Variants in ASH2L observed in about 807,000 individuals in gnomAD.
The protein encoded by ASH2L is set1/Ash2 histone methyltransferase complex subunit ASH2.
ASH2L carries 30 observed loss-of-function variants against 81.1 expected under a neutral mutation model. The observed-to-expected ratio is 0.37, with a 90% CI of 0.28 to 0.50. The LOEUF (loss-of-function observed/expected upper bound fraction) is 0.50, where lower values mean the gene tolerates loss of function less well. Among genes scored for constraint, ASH2L ranks in the 20% least tolerant of loss-of-function variants. The pLI is 0.95. For synonymous variants in ASH2L, 273 were observed against 279.9 expected, an observed-to-expected ratio of 0.98 and a Z score of 0.24; for missense variants, 559 against 792.1, an observed-to-expected ratio of 0.71 and a Z score of 3.53.
rs200887379 is a variant in ASH2L, at chr8:38,106,333, G to A, written c.189-45G>A. 1.5e-4 allele frequency: 236 copies of A among 1,580,014 alleles called. 1 individual carries two copies. The Middle Eastern group carries it at 4.8e-3, about 32-fold the overall frequency. On this transcript the variant is annotated intron_variant, in intron 1 of 15. Coordinates refer to ENST00000343823, the MANE Select transcript of ASH2L (RefSeq NM_004674.5). ...CATTTTTGGGAATAGGCATTTTGAGGTTTGTCTTGAGAATTCTTACTTGAG... is the reference window on the plus strand; with the variant it reads ...CATTTTTGGGAATAGGCATTTTGAGATTTGTCTTGAGAATTCTTACTTGAG...
intron 12 of ASH2L, among the ~76,000 whole-genome samples, chr8:38,131,517 A>G (rs377341030): frequency 2.0e-5 from 3 of 152,176 alleles, no homozygotes; most frequent in African/African-American, 4.8e-5. Flanking sequence ...GTGATGGCAC[A>G]CTCCTGTAAT....
chr8:38,128,241 C>T, intron 10 of ASH2L, 50 bp from the exon 11 acceptor site: 1 of 1,607,280 alleles, frequency 6.2e-7, no homozygotes, highest in Non-Finnish European at 8.5e-7. Flanking sequence ...CAATTGTCCC[C>T]AAGAACCTCA....
intron 7 of ASH2L, 45 bp downstream of exon 7, chr8:38,115,045 C>T (rs374558549): frequency 5.6e-6 from 7 of 1,241,066 alleles, no homozygotes; most frequent in East Asian, 2.3e-5. Context: ...TTAAGCCACT[C>T]GGGGATAGGT....
chr8:38,133,557 G>T lies in ASH2L; in HGVS notation c.1620+11G>T. 3 of 1,583,524 alleles carry T rather than the reference G, an allele frequency of 1.9e-6. No individual in the cohort carries two copies. The highest frequency in any genetic ancestry group is 1.7e-6 in the Non-Finnish European group (2 of 1,163,362). On this transcript the variant is annotated intron_variant, in intron 13 of 15. Transcript: ENST00000343823. Reference sequence around the variant, plus strand: ...ACTCCCCATAGTGAGGTGAGTCATGGCCATAAGAACATTAGAATCATAAGG... The same window carrying T: ...ACTCCCCATAGTGAGGTGAGTCATGTCCATAAGAACATTAGAATCATAAGG...
At chr8:38,126,637 G>A (rs1424947860) in intron 10 of ASH2L, among the ~76,000 whole-genome samples, 2 of 151,002 alleles carry the variant, frequency 1.3e-5, no homozygotes, top group Non-Finnish European at 3.0e-5. Flanking sequence ...GGCGGATCAC[G>A]AGGTCAGGAG....
rs372887962 is a variant in ASH2L, at chr8:38,116,701, G to A, written c.829G>A (p.Val277Met). 6.2e-6 allele frequency: 10 copies of A among 1,612,572 alleles called. No homozygotes were observed. The highest frequency in any genetic ancestry group is 3.4e-5 in the Admixed American group (2 of 59,608). The change falls in exon 8 of 16, where the codon GTG becomes ATG. Residue 277 changes from valine to methionine, a missense_variant. Coordinates refer to ENST00000343823, the MANE Select transcript of ASH2L (RefSeq NM_004674.5). ...TGACAACCAAAAACAGAGCAGTGCT[G>A]TGTCTACTAGTGGGAATTTAAATGG... is the stretch of plus-strand genomic sequence containing the variant. ...AYDNQKQSSA[V>M]STSGNLNGGI...
chr8:38,138,056 T>A (rs1410981317), intron 14 of ASH2L: 1 of 151,930 alleles, frequency 6.6e-6, no homozygotes, highest in Non-Finnish European at 1.5e-5. Context: ...TATAAGAGAA[T>A]CAGTTGAGCC....
chr8:38,125,937 C>A (rs1801827607), intron 10 of ASH2L, among the ~76,000 whole-genome samples: 1 of 152,268 alleles, frequency 6.6e-6, no homozygotes, highest in African/African-American at 2.4e-5. Context: ...GGCATGGTGG[C>A]TCACACCTGT....
intron 3 of ASH2L, among the ~76,000 whole-genome samples, chr8:38,107,446 T>C (rs960770793): frequency 6.6e-6 from 1 of 152,208 alleles, no homozygotes; most frequent in Non-Finnish European, 1.5e-5. Context: ...CAAAGTGTTA[T>C]ATAAACAAAT....
intron 12 of ASH2L, among the ~76,000 whole-genome samples, chr8:38,132,282 A>G (rs1188870935): frequency 6.6e-6 from 1 of 152,218 alleles, no homozygotes; most frequent in Non-Finnish European, 1.5e-5. Context: ...CTCGTTTTAT[A>G]TGCTTGTATA....
intron 10 of ASH2L, among the ~76,000 whole-genome samples, chr8:38,127,373 A>G (rs1801891741): frequency 1.3e-5 from 2 of 152,110 alleles, no homozygotes; most frequent in Admixed American, 6.6e-5. Flanking sequence ...TATTCAAATT[A>G]AGTTCCAAAC....
intron 3 of ASH2L, among the ~76,000 whole-genome samples, chr8:38,109,209 A>C (rs1810580806): frequency 1.3e-5 from 2 of 152,234 alleles, no homozygotes; most frequent in African/African-American, 4.8e-5. Context: ...AATTAAAATA[A>C]CTATTTACCT....
chr8:38,124,662 T>A (rs1227107141), intron 10 of ASH2L: 2 of 152,306 alleles, frequency 1.3e-5, no homozygotes, highest in African/African-American at 4.8e-5. Context: ...TTTGCCATTT[T>A]TTCTTTCTGT....
At chr8:38,132,527 A>G (rs2904755) in intron 12 of ASH2L, among the ~76,000 whole-genome samples, 150,909 of 151,680 alleles carry the variant, frequency 0.99, 75,079 homozygotes, top group East Asian at 1. Flanking sequence ...GGCTTGGTGC[A>G]GTGGCTCGTG....
chr8:38,128,708 G>C (rs1801949315), intron 11 of ASH2L, 50 bp from the exon 12 acceptor site: 2 of 1,574,318 alleles, frequency 1.3e-6, no homozygotes, highest in Non-Finnish European at 1.7e-6. Context: ...CAGCAAACTA[G>C]ATTTGACTTG....
Position 38,106,570 on chromosome 8 carries a change from C to T in ASH2L, c.255+126C>T, listed in dbSNP as rs189833536. ...TCGCCCAGGCTGGAATGCAGTGGCG[C>T]GATCTCGGCTCACTGCAACCTCCTC... On this transcript the variant is annotated intron_variant, in intron 2 of 15. Coordinates refer to ENST00000343823, the MANE Select transcript of ASH2L (RefSeq NM_004674.5). 1,639 of 757,592 alleles carry T rather than the reference C, an allele frequency of 2.2e-3. 5 individuals carry two copies. Among genetic ancestry groups the T allele is most frequent in the Non-Finnish European group, 2.7e-3 (1,285 of 480,430 alleles). The allele number at this position is 757,592 out of a possible 1,614,324, so 46.9% of individuals were successfully genotyped here.
At chr8:38,113,712 G>A (rs550430846) in intron 5 of ASH2L, among the ~76,000 whole-genome samples, 1 of 152,182 alleles carries the variant, frequency 6.6e-6, no homozygotes, top group South Asian at 2.1e-4. Flanking sequence ...CTTATTCTGG[G>A]TGATGACTGG....
At chr8:38,111,614 G>A (rs899302556) in intron 5 of ASH2L, among the ~76,000 whole-genome samples, 11 of 151,588 alleles carry the variant, frequency 7.3e-5, no homozygotes, top group Non-Finnish European at 1.5e-4. Context: ...TAGAACTCCC[G>A]TACTCAAGTG....
chr8:38,131,385 A>G (rs1349550645), intron 12 of ASH2L, among the ~76,000 whole-genome samples: 1 of 152,086 alleles, frequency 6.6e-6, no homozygotes, highest in Admixed American at 6.6e-5. Context: ...TTGACCAGAC[A>G]CTGTGGCTCC....
Sources: gnomAD v4.1 joint callset for allele counts (sites outside exome capture counted in the v4.1 genomes callset) on GRCh38, gnomAD v4.1.1 for gene constraint, MANE v1.5 for transcripts, NCBI Gene and HGNC (gene_info 2026-07-23, HGNC 2026-07-21) for gene names.